Variants in MB21D2 observed in about 807,000 individuals in gnomAD.
The protein encoded by MB21D2 is Mab-21 domain containing 2.
A neutral mutation model predicts 33.3 loss-of-function variants in MB21D2; 9 were observed. That is an observed-to-expected ratio of 0.27 (90% CI 0.16 to 0.47). The LOEUF (loss-of-function observed/expected upper bound fraction) is 0.47, where lower values mean the gene tolerates loss of function less well. Among genes scored for constraint, MB21D2 ranks in the 20% least tolerant of loss-of-function variants. MB21D2 has a pLI of 0.99. For missense variants in MB21D2, 540 were observed against 624.6 expected, an observed-to-expected ratio of 0.86 and a Z score of 1.44; for synonymous variants, 241 against 236.3, an observed-to-expected ratio of 1.02 and a Z score of -0.18.
intron 1 of MB21D2, among the ~76,000 whole-genome samples, chr3:192,824,840 A>T (rs1712139714): frequency 6.6e-6 from 1 of 152,112 alleles, no homozygotes; most frequent in Non-Finnish European, 1.5e-5. Flanking sequence ...TTTTTATGAA[A>T]TTTTTTTTCC....
intron 1 of MB21D2, among the ~76,000 whole-genome samples, chr3:192,867,724 T>C (rs1713200022): frequency 6.6e-6 from 1 of 152,168 alleles, no homozygotes; most frequent in Non-Finnish European, 1.5e-5. Flanking sequence ...CCCTTGAATC[T>C]AAGAGGGCTC....
chr3:192,808,257 C>T (rs1444587067), intron 1 of MB21D2, among the ~76,000 whole-genome samples: 1 of 152,164 alleles, frequency 6.6e-6, no homozygotes. Context: ...ACAGCTCCCA[C>T]ACTAATCAGA....
At chr3:192,802,466 A>G (rs1711581376) in intron 1 of MB21D2, among the ~76,000 whole-genome samples, 1 of 151,968 alleles carries the variant, frequency 6.6e-6, no homozygotes, top group Non-Finnish European at 1.5e-5. Context: ...CCAAACAAAA[A>G]CCGTCTTCAG....
intron 1 of MB21D2, among the ~76,000 whole-genome samples, chr3:192,844,026 G>A (rs1017373470): frequency 6.6e-6 from 1 of 152,142 alleles, no homozygotes; most frequent in Non-Finnish European, 1.5e-5. Flanking sequence ...TTCATCTGCC[G>A]ATTATGAAAT....
In MB21D2 at chr3:192,798,668, C is replaced by T; in HGVS notation, c.1194G>A (p.Arg398=). ...GGTCTGAGCGCACAGAGGACAGCTT[C>T]CGGGCGTGAAGCATGACTGTCTCCT... ...LSEETVMLHA[R]KLSSVRSDPA... Residue 398 remains arginine (R), a synonymous_variant, in exon 2 of 2, where the codon CGG becomes CGA. Coordinates refer to ENST00000392452, the MANE Select transcript of MB21D2 (RefSeq NM_178496.4). This position sits in a 1 kb window ranked among gnomAD's most constrained non-coding sequence, Gnocchi z 4.8. The T allele has an allele frequency of 6.2e-7, 1 of 1,613,436 alleles. No individual in the cohort carries two copies. The highest frequency in any genetic ancestry group is 8.5e-7 in the Non-Finnish European group (1 of 1,180,040).
intron 1 of MB21D2, among the ~76,000 whole-genome samples, chr3:192,896,040 GGAAGA>G (rs1279826287): frequency 6.6e-6 from 1 of 152,160 alleles, no homozygotes; most frequent in African/African-American, 2.4e-5. Flanking sequence ...ACAAAAACGT[GGAAGA>G]GAAGAGCAGT....
intron 1 of MB21D2, among the ~76,000 whole-genome samples, chr3:192,884,460 G>A (rs550323459): frequency 1.1e-4 from 16 of 151,854 alleles, no homozygotes; most frequent in Admixed American, 5.2e-4. Context: ...TCCGCCTCCC[G>A]GGTTCACTCC....
chr3:192,862,973 T>A (rs1713083972), intron 1 of MB21D2, among the ~76,000 whole-genome samples: 1 of 152,134 alleles, frequency 6.6e-6, no homozygotes, highest in Non-Finnish European at 1.5e-5. Flanking sequence ...GCCTCTTTTG[T>A]AAGGGCACTA....
chr3:192,819,363 G>T (rs1711995231), intron 1 of MB21D2, among the ~76,000 whole-genome samples: 1 of 152,208 alleles, frequency 6.6e-6, no homozygotes, highest in Non-Finnish European at 1.5e-5. Context: ...GCTTTTCACG[G>T]CAAGGGTGGT....
chr3:192,904,746 C>T (rs1182887621), intron 1 of MB21D2, among the ~76,000 whole-genome samples: 1 of 152,176 alleles, frequency 6.6e-6, no homozygotes, highest in East Asian at 1.9e-4. Flanking sequence ...AGGGCAGTGG[C>T]CCCATCAGAA....
intron 1 of MB21D2, among the ~76,000 whole-genome samples, chr3:192,891,575 T>A (rs1015377195): frequency 2.0e-4 from 30 of 152,212 alleles, no homozygotes; most frequent in African/African-American, 6.8e-4. Flanking sequence ...GCAGGCTTAG[T>A]GTGATACCAA....
intron 1 of MB21D2, among the ~76,000 whole-genome samples, chr3:192,868,231 C>A (rs898369674): frequency 6.6e-6 from 1 of 152,170 alleles, no homozygotes; most frequent in Non-Finnish European, 1.5e-5. Flanking sequence ...CTCACTATGG[C>A]AGTCATATCC....
intron 1 of MB21D2, among the ~76,000 whole-genome samples, chr3:192,893,238 C>T (rs1299097120): frequency 1.3e-5 from 2 of 152,230 alleles, no homozygotes; most frequent in African/African-American, 4.8e-5. Context: ...TGTCAAGTGA[C>T]ATGACGTCTT....
At chr3:192,813,784 T>C (rs922124531) in intron 1 of MB21D2, among the ~76,000 whole-genome samples, 6 of 152,140 alleles carry the variant, frequency 3.9e-5, no homozygotes, top group Admixed American at 3.3e-4. Context: ...TTTTTTCCCA[T>C]CAAGTTGTCA....
At chr3:192,881,824 C>T (rs781056439) in intron 1 of MB21D2, among the ~76,000 whole-genome samples, 2 of 152,128 alleles carry the variant, frequency 1.3e-5, no homozygotes, top group African/African-American at 2.4e-5. Flanking sequence ...ATGAGCAAAA[C>T]GAAGCGGCAT....
chr3:192,903,492 G>A (rs1026174766), intron 1 of MB21D2, among the ~76,000 whole-genome samples: 2 of 152,180 alleles, frequency 1.3e-5, no homozygotes, highest in Non-Finnish European at 2.9e-5. Flanking sequence ...AAAGTTCATA[G>A]TTATTTGCCA....
chr3:192,854,539 AG>A (rs1473625744), intron 1 of MB21D2, among the ~76,000 whole-genome samples: 2 of 152,248 alleles, frequency 1.3e-5, no homozygotes, highest in Non-Finnish European at 2.9e-5. Flanking sequence ...AGTTATCCAG[AG>A]GCTCCAGCTA....
chr3:192,798,298 A>G lies in MB21D2; in HGVS notation c.*88T>C. The G allele has an allele frequency of 7.0e-7, 1 of 1,424,900 alleles. No homozygotes were observed. Among genetic ancestry groups the G allele is most frequent in the East Asian group, 2.3e-5 (1 of 43,754 alleles). The allele number at this position is 1,424,900 out of a possible 1,614,324, so 88.3% of individuals were successfully genotyped here. On this transcript the variant is annotated 3_prime_UTR_variant, in exon 2 of 2. Coordinates refer to ENST00000392452, the MANE Select transcript of MB21D2 (RefSeq NM_178496.4). This position sits in a 1 kb window ranked among gnomAD's most constrained non-coding sequence, Gnocchi z 4.8. ...TCTTAACAAATCCAATCTAGGCTGG[A>G]TATGTAAAAAACAGAAAGATAGCAT...
At chr3:192,829,048 A>G (rs1295997412) in intron 1 of MB21D2, among the ~76,000 whole-genome samples, 1 of 152,048 alleles carries the variant, frequency 6.6e-6, no homozygotes, top group African/African-American at 2.4e-5. Context: ...ATCACCCCAA[A>G]AAGTTTTCTC....
Sources: allele counts gnomAD v4.1 joint callset (sites outside exome capture counted in the v4.1 genomes callset), GRCh38; gene constraint gnomAD v4.1.1; non-coding constraint Gnocchi (gnomAD v3.1); transcripts MANE v1.5; gene names NCBI Gene and HGNC (gene_info 2026-07-23, HGNC 2026-07-21).